Variants in CNTNAP5 observed in about 807,000 individuals in gnomAD.
CNTNAP5 encodes contactin associated protein family member 5, also known as contactin-associated protein-like 5.
A neutral mutation model predicts 150.2 loss-of-function variants in CNTNAP5; 72 were observed. That is an observed-to-expected ratio of 0.48 (90% CI 0.40 to 0.58). The LOEUF (loss-of-function observed/expected upper bound fraction) is 0.58. Ranked by LOEUF, CNTNAP5 falls within the 20% of genes least tolerant of loss-of-function variation. The pLI, the probability that CNTNAP5 is intolerant of heterozygous loss-of-function variation, is 0.00. For missense variants in CNTNAP5, 1,636 were observed against 1,626.2 expected (o/e 1.01, Z -0.10); for synonymous variants, 672 against 619.8 (o/e 1.08, Z -1.25).
intron 4 of CNTNAP5, among the ~76,000 whole-genome samples, chr2:124,434,231 T>C (rs1692466978): frequency 6.6e-6 from 1 of 152,172 alleles, no homozygotes; most frequent in African/African-American, 2.4e-5. Flanking sequence ...AGCTGACATA[T>C]CACTAATGAG....
In CNTNAP5 at chr2:124,554,746, C is replaced by T. The variant is rs75239488; in HGVS notation, c.1650-8471C>T. Among the ~76,000 whole-genome samples the T allele has an allele frequency of 6.8e-3, 1,038 of 152,134 alleles. 12 individuals carry two copies. Among genetic ancestry groups the T allele is most frequent in the African/African-American group, 0.024 (995 of 41,506 alleles). ...CTTACACATTTTAAAGTGAAGTTTA[C>T]AAGAATTATACTCGAATAGGCCAAA... On this transcript the variant is annotated intron_variant, in intron 10 of 23. Transcript: ENST00000682447.
intron 3 of CNTNAP5, among the ~76,000 whole-genome samples, chr2:124,405,841 G>C (rs190417615): frequency 8.5e-5 from 13 of 152,260 alleles, no homozygotes; most frequent in Non-Finnish European, 1.5e-4. Flanking sequence ...TCAGCACTTT[G>C]TTACTTTTTA....
At chr2:124,148,252 T>C (rs1426247003) in intron 1 of CNTNAP5, among the ~76,000 whole-genome samples, 3 of 151,184 alleles carry the variant, frequency 2.0e-5, no homozygotes, top group Non-Finnish European at 4.4e-5. Flanking sequence ...TGAGCCAAGA[T>C]TGCGCCACTG....
intron 13 of CNTNAP5, among the ~76,000 whole-genome samples, chr2:124,701,499 A>G (rs1679520503): frequency 6.6e-6 from 1 of 152,190 alleles, no homozygotes; most frequent in Admixed American, 6.6e-5. Context: ...GAGATCAGAC[A>G]TCTTTATGAG....
At chr2:124,870,691 C>T (rs111687467) in intron 21 of CNTNAP5, among the ~76,000 whole-genome samples, 2,386 of 152,202 alleles carry the variant, frequency 0.016, 58 homozygotes, top group African/African-American at 0.054. Context: ...ACATTTAACA[C>T]GTAAGTTAGT....
chr2:124,328,023 G>T (rs17011429), intron 3 of CNTNAP5, among the ~76,000 whole-genome samples: 33,231 of 151,958 alleles, frequency 0.22, 3,890 homozygotes, highest in Middle Eastern at 0.28. Context: ...TATAGAATGT[G>T]CTCAAAATTG....
intron 14 of CNTNAP5, among the ~76,000 whole-genome samples, chr2:124,749,602 G>A (rs1356273460): frequency 6.6e-6 from 1 of 152,028 alleles, no homozygotes; most frequent in Non-Finnish European, 1.5e-5. Flanking sequence ...GTTTAGTACA[G>A]ACGGGGTTTC....
At chr2:124,320,253 G>A (rs766429971) in intron 3 of CNTNAP5, among the ~76,000 whole-genome samples, 14 of 152,294 alleles carry the variant, frequency 9.2e-5, no homozygotes, top group Non-Finnish European at 2.1e-4. Flanking sequence ...TTGATAGATT[G>A]CTTTCCTCAA....
At chr2:124,137,692 T>C (rs1684007941) in intron 1 of CNTNAP5, among the ~76,000 whole-genome samples, 1 of 152,210 alleles carries the variant, frequency 6.6e-6, no homozygotes, top group Admixed American at 6.5e-5. Context: ...ATCAATGCTG[T>C]TGCGAGGTGC....
intron 22 of CNTNAP5, among the ~76,000 whole-genome samples, chr2:124,904,078 A>C (rs958920683): frequency 2.7e-5 from 4 of 149,680 alleles, no homozygotes; most frequent in Non-Finnish European, 1.5e-5. Context: ...AAAAAAAAAA[A>C]CCAAAATGTA....
At chr2:124,437,083 A>G (rs1692549980) in intron 5 of CNTNAP5, among the ~76,000 whole-genome samples, 1 of 152,174 alleles carries the variant, frequency 6.6e-6, no homozygotes, top group African/African-American at 2.4e-5. Flanking sequence ...TTTGCCCATA[A>G]TGGGAAATCT....
intron 3 of CNTNAP5, among the ~76,000 whole-genome samples, chr2:124,252,830 TAAG>T (rs372957324): frequency 5.3e-5 from 8 of 152,240 alleles, no homozygotes; most frequent in Admixed American, 3.9e-4. Context: ...GCAAAATCAA[TAAG>T]AATATCTCAT....
chr2:124,902,804 C>G (rs1294339704), intron 21 of CNTNAP5, 78 bp from the exon 22 acceptor site: 1 of 920,802 alleles, frequency 1.1e-6, no homozygotes, highest in Non-Finnish European at 1.6e-6. Flanking sequence ...ATTTTAGATA[C>G]TACTCAAAGA....
chr2:124,845,644 A>G (rs1200455086), intron 19 of CNTNAP5, among the ~76,000 whole-genome samples: 1 of 151,846 alleles, frequency 6.6e-6, no homozygotes, highest in African/African-American at 2.4e-5. Context: ...CTATCTTTGT[A>G]TTACCATTTC....
At chr2:124,357,158 T>G (rs536135473) in intron 3 of CNTNAP5, among the ~76,000 whole-genome samples, 1 of 152,084 alleles carries the variant, frequency 6.6e-6, no homozygotes, top group African/African-American at 2.4e-5. Context: ...GGGTTGTTTG[T>G]TTTTTTCTTG....
At chr2:124,247,445 C>G (rs1436852882) in intron 3 of CNTNAP5, among the ~76,000 whole-genome samples, 1 of 152,038 alleles carries the variant, frequency 6.6e-6, no homozygotes, top group African/African-American at 2.4e-5. Flanking sequence ...TTCACATGCA[C>G]GAAGCTTGTC....
intron 3 of CNTNAP5, among the ~76,000 whole-genome samples, chr2:124,292,798 T>C (rs1688333200): frequency 6.6e-6 from 1 of 152,098 alleles, no homozygotes; most frequent in Non-Finnish European, 1.5e-5. Flanking sequence ...TTTGCAGAGA[T>C]CTCAGCATCT....
At chr2:124,417,616 C>A in intron 4 of CNTNAP5, 26 bp downstream of exon 4, 2 of 1,600,232 alleles carry the variant, frequency 1.2e-6, no homozygotes, top group East Asian at 2.2e-5. Flanking sequence ...TACCCTTTAC[C>A]ATTGCTGAGT....
chr2:124,776,775 T>A (rs539828495), intron 17 of CNTNAP5, among the ~76,000 whole-genome samples: 20 of 152,168 alleles, frequency 1.3e-4, no homozygotes, highest in Non-Finnish European at 2.5e-4. Context: ...GTTAGCATAT[T>A]TTTACATAAA....
Sources: allele counts gnomAD v4.1 joint callset (sites outside exome capture counted in the v4.1 genomes callset), GRCh38; gene constraint gnomAD v4.1.1; transcripts MANE v1.5; gene names NCBI Gene and HGNC (gene_info 2026-07-23, HGNC 2026-07-21).